The following GSAP variants were observed in gnomAD, a reference collection of about 807,000 sequenced individuals.
The protein encoded by GSAP is gamma-secretase-activating protein.
A neutral mutation model predicts 131.7 loss-of-function variants in GSAP; 118 were observed. That is an observed-to-expected ratio of 0.90 (90% CI 0.77 to 1.04). The LOEUF is 1.04. GSAP is among the 50% of genes least tolerant of loss of function. The pLI is 0.00. For synonymous variants in GSAP, 381 were observed against 363.4 expected (o/e 1.05, Z -0.55); for missense variants, 1,019 against 1,013.2 (o/e 1.01, Z -0.08).
At chr7:77,347,021 G>T (rs1403496122) in intron 19 of GSAP, among the ~76,000 whole-genome samples, 2 of 150,990 alleles carry the variant, frequency 1.3e-5, no homozygotes, top group African/African-American at 4.9e-5. Context: ...TACCCTGGAG[G>T]GAAGGAATGC....
intron 13 of GSAP, among the ~76,000 whole-genome samples, chr7:77,361,814 T>C (rs1166614307): frequency 6.6e-6 from 1 of 152,186 alleles, no homozygotes; most frequent in African/African-American, 2.4e-5. Context: ...GTTAGGCATT[T>C]GACTGCTTCT....
intron 12 of GSAP, among the ~76,000 whole-genome samples, chr7:77,367,829 C>T (rs1404751471): frequency 1.3e-5 from 2 of 152,096 alleles, no homozygotes; most frequent in Non-Finnish European, 2.9e-5. Flanking sequence ...TCCATCAGAT[C>T]CTGAGCTTTT....
chr7:77,378,909 C>G (rs1168666931), intron 8 of GSAP, among the ~76,000 whole-genome samples: 1 of 152,072 alleles, frequency 6.6e-6, no homozygotes. Flanking sequence ...AAGGAAACAC[C>G]AGAATGGTCC....
chr7:77,328,001 C>A (rs1323814519), intron 22 of GSAP, among the ~76,000 whole-genome samples: 1 of 152,156 alleles, frequency 6.6e-6, no homozygotes, highest in African/African-American at 2.4e-5. Context: ...TCTGCATTAC[C>A]CCATTTAGTC....
At chr7:77,331,600 T>G (rs1487986125) in intron 19 of GSAP, among the ~76,000 whole-genome samples, 2 of 152,210 alleles carry the variant, frequency 1.3e-5, no homozygotes, top group African/African-American at 2.4e-5. Context: ...TTATTACCAT[T>G]TTTATTCAAA....
chr7:77,353,442 TTG>T, intron 17 of GSAP, 128 bp downstream of exon 17: 1 of 599,418 alleles, frequency 1.7e-6, no homozygotes, highest in Non-Finnish European at 2.9e-6. Flanking sequence ...CGATAGAGTT[TTG>T]TTTTTTTTTT....
chr7:77,314,457 G>C lies in GSAP; in HGVS notation c.2122C>G (p.Gln708Glu). Reference protein sequence around the residue: ...FHTLHTILGVQCLPLHNLLHC... With the variant: ...FHTLHTILGVECLPLHNLLHC... ...AGCAGGTTATGCAAAGGGAGACACT[G>C]GACCCCGAGGATGGTGTGCAGAGTA... Residue 708 changes from glutamine to glutamate, a missense_variant, in exon 27 of 31, where the codon CAG becomes GAG. Gln to Glu is a conservative substitution (Grantham distance 29, BLOSUM62 2). Coordinates refer to ENST00000257626, the MANE Select transcript of GSAP (RefSeq NM_017439.4). The C allele has an allele frequency of 6.2e-7, 1 of 1,613,810 alleles. No individual in the cohort carries two copies. The highest frequency in any genetic ancestry group is 8.5e-7 in the Non-Finnish European group (1 of 1,179,788).
At chr7:77,326,366 G>T in intron 22 of GSAP, 93 bp from the exon 23 acceptor site, 1 of 821,202 alleles carries the variant, frequency 1.2e-6, no homozygotes, top group Non-Finnish European at 2.0e-6. Context: ...CCTTCTCTGA[G>T]TCATTGAGAA....
At chr7:77,399,870 C>T (rs1452220452) in intron 3 of GSAP, among the ~76,000 whole-genome samples, 1 of 152,146 alleles carries the variant, frequency 6.6e-6, no homozygotes, top group East Asian at 1.9e-4. Flanking sequence ...GAATGACATA[C>T]TGGTGAGTTC....
rs746938892 is a variant in GSAP, at chr7:77,376,905, T to C, written c.684A>G (p.Lys228=). 6 of 1,444,306 alleles carry C rather than the reference T, an allele frequency of 4.2e-6. No homozygotes were observed. The South Asian group carries it at 7.6e-5, about 18-fold the overall frequency. 89.5% of individuals were successfully genotyped at this position (1,444,306 alleles called of 1,614,324 possible). ...EQRLYYIDLK[K]SRSILKCIQF... is the part of the protein sequence containing the mutation. ...GGATACATTTTAAGATACTCCTTGA[T>C]TTCTAAAAGAGAAAACAGAATGGCA... Residue 228 remains lysine, a splice_region_variant and synonymous_variant, in exon 10 of 31, where the codon AAA becomes AAG. Transcript: ENST00000257626.
chr7:77,320,251 G>A (rs529204644), intron 26 of GSAP, among the ~76,000 whole-genome samples: 1 of 152,232 alleles, frequency 6.6e-6, no homozygotes, highest in East Asian at 1.9e-4. Flanking sequence ...CCAATTAAAT[G>A]AATGACTGCA....
At chr7:77,318,728 A>G (rs1176252576) in intron 26 of GSAP, among the ~76,000 whole-genome samples, 1 of 152,148 alleles carries the variant, frequency 6.6e-6, no homozygotes, top group Non-Finnish European at 1.5e-5. Context: ...TAGAAAGTTA[A>G]ACATAAGACC....
intron 10 of GSAP, among the ~76,000 whole-genome samples, chr7:77,376,142 A>C (rs1796816986): frequency 6.6e-6 from 1 of 151,960 alleles, no homozygotes; most frequent in Non-Finnish European, 1.5e-5. Context: ...ATAACTTATA[A>C]CCCCTTAAAG....
chr7:77,383,149 T>C (rs1379522254), intron 6 of GSAP, among the ~76,000 whole-genome samples: 1 of 152,174 alleles, frequency 6.6e-6, no homozygotes, highest in Non-Finnish European at 1.5e-5. Context: ...ATCATGCCAC[T>C]ATACTCTAGC....
intron 2 of GSAP, among the ~76,000 whole-genome samples, chr7:77,405,426 T>C (rs1802094655): frequency 6.6e-6 from 1 of 152,272 alleles, no homozygotes; most frequent in African/African-American, 2.4e-5. Flanking sequence ...CATTTTTACT[T>C]GGCATTTTTT....
intron 22 of GSAP, 122 bp downstream of exon 22, chr7:77,328,484 G>C (rs1442702373): frequency 6.9e-7 from 1 of 1,455,840 alleles, no homozygotes; most frequent in African/African-American, 1.4e-5. Flanking sequence ...ATATTAAAAG[G>C]TGCTGCCTGC....
chr7:77,329,425 T>A, intron 20 of GSAP, 34 bp from the exon 21 acceptor site: 1 of 1,291,862 alleles, frequency 7.7e-7, no homozygotes, highest in Non-Finnish European at 1.1e-6. Flanking sequence ...ATGTGGAAGG[T>A]AAAGGTTTTA....
intron 16 of GSAP, among the ~76,000 whole-genome samples, chr7:77,354,312 G>C (rs116287112): frequency 8.2e-4 from 124 of 152,118 alleles, no homozygotes; most frequent in African/African-American, 2.9e-3. Flanking sequence ...TATTACTATC[G>C]ACAAGTAAAA....
At chr7:77,339,715 AC>A (rs1790604699) in intron 19 of GSAP, among the ~76,000 whole-genome samples, 1 of 112,580 alleles carries the variant, frequency 8.9e-6, no homozygotes, top group Non-Finnish European at 1.8e-5. Flanking sequence ...TCCATTTTAC[AC>A]ACACCCACAC....
Sources: gnomAD v4.1 joint callset for allele counts (sites outside exome capture counted in the v4.1 genomes callset) on GRCh38, gnomAD v4.1.1 for gene constraint, MANE v1.5 for transcripts, NCBI Gene and HGNC (gene_info 2026-07-23, HGNC 2026-07-21) for gene names.